DMXL2: variants seen among roughly 807,000 people sequenced by gnomAD.
The protein encoded by DMXL2 is Dmx like 2, also known as dmX-like protein 2.
A neutral mutation model predicts 331.1 loss-of-function variants in DMXL2; 103 were observed. The observed-to-expected ratio is 0.31, with a 90% CI of 0.27 to 0.37. The LOEUF (loss-of-function observed/expected upper bound fraction) is 0.37, where lower values mean the gene tolerates loss of function less well. Among genes scored for constraint, DMXL2 ranks in the 10% least tolerant of loss-of-function variants. The pLI is 1.00. For synonymous variants in DMXL2, 1,281 were observed against 1,252.1 expected, an observed-to-expected ratio of 1.02 and a Z score of -0.49; for missense variants, 3,171 against 3,642.9, an observed-to-expected ratio of 0.87 and a Z score of 3.33.
rs762014970 is a variant in DMXL2 at position 51,576,097 on chromosome 15, T to C, written c.172A>G (p.Ile58Val). The change falls in exon 2 of 44, where the codon ATC becomes GTC. Residue 58 changes from isoleucine to valine, a missense_variant. Coordinates refer to ENST00000560891, the MANE Select transcript of DMXL2 (RefSeq NM_001378457.1). ...QIIPGAKHGN[I>V]QVSCVECSNQ... ...GAACACTCCACACAGCTGACTTGGA[T>C]GTTTCCATGCTTAGCACCAGGAATG... 1.9e-6 allele frequency: 3 copies of C among 1,602,868 alleles called. No homozygotes were observed. Among genetic ancestry groups the C allele is most frequent in the Non-Finnish European group, 1.7e-6 (2 of 1,176,528 alleles).
chr15:51,619,529 C>T (rs1567194575), intron 1 of DMXL2, among the ~76,000 whole-genome samples: 1 of 152,188 alleles, frequency 6.6e-6, no homozygotes, highest in Non-Finnish European at 1.5e-5. Context: ...ATTGGGACAT[C>T]ACGACATCAA....
chr15:51,479,119 T>TA (rs2041818195), intron 25 of DMXL2, among the ~76,000 whole-genome samples: 2 of 152,208 alleles, frequency 1.3e-5, no homozygotes, highest in South Asian at 2.1e-4. Flanking sequence ...TGCGTGTCCC[T>TA]ATTCACCTAA....
chr15:51,510,016 C>T (rs1398466803), intron 15 of DMXL2, among the ~76,000 whole-genome samples: 2 of 152,234 alleles, frequency 1.3e-5, no homozygotes, highest in East Asian at 3.9e-4. Context: ...GCCCCTCATG[C>T]TAAAAACTCT....
intron 23 of DMXL2, among the ~76,000 whole-genome samples, chr15:51,484,909 T>G (rs1340229693): frequency 6.7e-6 from 1 of 150,326 alleles, no homozygotes; most frequent in Admixed American, 6.6e-5. Context: ...ACAGAAATAC[T>G]AGAGCTAAAA....
intron 40 of DMXL2, among the ~76,000 whole-genome samples, chr15:51,454,600 G>A (rs938897538): frequency 5.3e-5 from 8 of 152,142 alleles, no homozygotes; most frequent in East Asian, 3.9e-4. Context: ...GGGTTCAAGC[G>A]ATTCTCCTGC....
chr15:51,517,517 C>T (rs192049833), intron 13 of DMXL2, among the ~76,000 whole-genome samples: 11 of 152,268 alleles, frequency 7.2e-5, no homozygotes, highest in East Asian at 5.8e-4. Context: ...CCTGCCAGAC[C>T]GAAGGTAAGG....
chr15:51,467,383 TAAC>T (rs992810301), intron 29 of DMXL2, among the ~76,000 whole-genome samples: 2 of 152,010 alleles, frequency 1.3e-5, no homozygotes, highest in African/African-American at 4.8e-5. Flanking sequence ...AGAAAAAGCT[TAAC>T]AAGATAAATT....
intron 27 of DMXL2, among the ~76,000 whole-genome samples, chr15:51,475,205 A>G (rs574542202): frequency 4.6e-5 from 7 of 152,104 alleles, no homozygotes; most frequent in Non-Finnish European, 7.4e-5. Flanking sequence ...TAAGAAAAAA[A>G]TCAGGGCTGG....
chr15:51,499,626 T>C lies in DMXL2; in HGVS notation c.3598A>G (p.Ile1200Val), dbSNP rs1253647759. ...NIFMYGRLSG[I>V]VTEQTNSKDG... The stretch of plus-strand genomic sequence containing the variant: ...TTACTGTTGGTTTGCTCAGTCACAA[T>C]TCCTGAAAGCCTTCCATACATGAAG... Residue 1200 changes from isoleucine to valine, a missense_variant, in exon 18 of 44, where the codon ATT (isoleucine) becomes GTT (valine). Physicochemically the swap from Ile to Val is conservative, Grantham distance 29. Around this residue, in one of 7 missense-constraint regions of DMXL2, gnomAD observed 1,674 missense variants for 1,780.2 expected, o/e 0.94. Transcript: ENST00000560891. The C allele has an allele frequency of 6.2e-7, 1 of 1,614,008 alleles. No individual in the cohort carries two copies. Among genetic ancestry groups the C allele is most frequent in the East Asian group, 2.2e-5 (1 of 44,890 alleles).
chr15:51,449,982 G>GAGGC, intron 43 of DMXL2, 147 bp downstream of exon 43: 1 of 683,546 alleles, frequency 1.5e-6, no homozygotes, highest in Non-Finnish European at 2.5e-6. Context: ...GGAGCATGGG[G>GAGGC]AGGCGGCAGA....
In DMXL2 at chr15:51,499,767, C is replaced by A; in HGVS notation, c.3457G>T (p.Ala1153Ser). 6.2e-7 allele frequency: 1 copy of A among 1,614,122 alleles called. No homozygotes were observed. The highest frequency in any genetic ancestry group is 8.5e-7 in the Non-Finnish European group (1 of 1,180,016). ...AGATATCTATCCTTGCTCAAGAGTGCATCTGACTTGCTATACACAAACAGA... is the reference window on the plus strand; with the variant it reads ...AGATATCTATCCTTGCTCAAGAGTGAATCTGACTTGCTATACACAAACAGA... ...SNLFVYSKSD[A>S]LLSKDRYLIP... The change falls in exon 18 of 44, where the codon GCA becomes TCA. Residue 1153 changes from alanine to serine, a missense_variant. Physicochemically the swap from Ala to Ser is moderately conservative, Grantham distance 99. Coordinates refer to ENST00000560891, the MANE Select transcript of DMXL2 (RefSeq NM_001378457.1).
chr15:51,521,756 T>C (rs1340963390), intron 13 of DMXL2, among the ~76,000 whole-genome samples: 2 of 152,206 alleles, frequency 1.3e-5, no homozygotes, highest in Admixed American at 6.5e-5. Flanking sequence ...ACTCTATAGA[T>C]ACAAGATCCT....
intron 25 of DMXL2, among the ~76,000 whole-genome samples, chr15:51,479,056 G>A (rs2041812477): frequency 6.6e-6 from 1 of 152,116 alleles, no homozygotes. Context: ...TTATCCAAAT[G>A]TCTAGGAACT....
intron 15 of DMXL2, among the ~76,000 whole-genome samples, chr15:51,508,688 C>T (rs901906280): frequency 1.4e-4 from 22 of 152,266 alleles, no homozygotes; most frequent in African/African-American, 5.3e-4. Flanking sequence ...TCAACAGTAG[C>T]AGCTAGAGAT....
chr15:51,581,323 C>T (rs946591228), intron 1 of DMXL2, among the ~76,000 whole-genome samples: 1 of 152,164 alleles, frequency 6.6e-6, no homozygotes, highest in Admixed American at 6.5e-5. Context: ...CTCTCCTTCA[C>T]CCCTCGCTGT....
intron 1 of DMXL2, among the ~76,000 whole-genome samples, chr15:51,619,721 C>T (rs1289134137): frequency 6.6e-6 from 1 of 152,198 alleles, no homozygotes; most frequent in Non-Finnish European, 1.5e-5. Flanking sequence ...AAAAGGTTCT[C>T]AGGCTACCAT....
chr15:51,472,876 G>A (rs566749502), intron 28 of DMXL2, among the ~76,000 whole-genome samples: 57 of 152,244 alleles, frequency 3.7e-4, no homozygotes, highest in African/African-American at 1.4e-3. Context: ...AGCTAGAGCG[G>A]TTCTGTTGAA....
chr15:51,454,886 A>T (rs768570110), intron 40 of DMXL2, among the ~76,000 whole-genome samples: 13 of 152,228 alleles, frequency 8.5e-5, no homozygotes, highest in Non-Finnish European at 1.9e-4. Flanking sequence ...AATGAAAAAA[A>T]ACCCAAGTTG....
intron 1 of DMXL2, among the ~76,000 whole-genome samples, chr15:51,595,792 C>T (rs1399780866): frequency 3.3e-5 from 5 of 152,194 alleles, no homozygotes; most frequent in African/African-American, 1.2e-4. Flanking sequence ...TGATCTTTGA[C>T]AAACCTGACA....
Sources: gnomAD v4.1 joint callset for allele counts (sites outside exome capture counted in the v4.1 genomes callset) on GRCh38, gnomAD v4.1.1 for gene constraint, gnomAD v4.1.1 regional missense constraint, MANE v1.5 for transcripts, NCBI Gene and HGNC (gene_info 2026-07-23, HGNC 2026-07-21) for gene names.